The following DEPDC5 variants were observed in gnomAD, a reference collection of about 807,000 sequenced individuals.
DEPDC5 encodes GATOR1 complex protein DEPDC5.
A neutral mutation model predicts 217.3 loss-of-function variants in DEPDC5; 73 were observed. The observed-to-expected ratio is 0.34, with a 90% CI of 0.28 to 0.41. The LOEUF (loss-of-function observed/expected upper bound fraction) is 0.41. Among genes scored for constraint, DEPDC5 ranks in the 10% least tolerant of loss-of-function variants. The pLI is 1.00. For missense variants in DEPDC5, 1,675 were observed against 2,070.1 expected, an observed-to-expected ratio of 0.81 and a Z score of 3.70; for synonymous variants, 733 against 756.7, an observed-to-expected ratio of 0.97 and a Z score of 0.51.
chr22:31,795,220 C>T lies in DEPDC5; in HGVS notation c.768-2380C>T, dbSNP rs573800268. Reference sequence around the variant, plus strand: ...GAGTAGCTGGGATTGCAGGCATCTGCCATCACACCTGGCTAATTTTTTTAT... The same window carrying T: ...GAGTAGCTGGGATTGCAGGCATCTGTCATCACACCTGGCTAATTTTTTTAT... On this transcript the variant is annotated intron_variant, in intron 12 of 42. Coordinates refer to ENST00000651528, the MANE Select transcript of DEPDC5 (RefSeq NM_001242896.3). Among the ~76,000 whole-genome samples the T allele has an allele frequency of 3.9e-5, 6 of 152,020 alleles. 1 individual carries two copies. The South Asian group carries it at 1.2e-3, about 32-fold the overall frequency.
At chr22:31,863,025 A>AT (rs1028438475) in intron 33 of DEPDC5, among the ~76,000 whole-genome samples, 17 of 151,898 alleles carry the variant, frequency 1.1e-4, no homozygotes, top group African/African-American at 3.9e-4. Context: ...CTAATTTTTT[A>AT]TTTTTTTAGA....
chr22:31,843,003 C>A, intron 27 of DEPDC5, 92 bp from the exon 28 acceptor site: 2 of 916,082 alleles, frequency 2.2e-6, no homozygotes, highest in East Asian at 5.3e-5. Flanking sequence ...GAAAGTGTTA[C>A]ATTGTTTTCT....
chr22:31,868,902 A>G (rs1364460985), intron 33 of DEPDC5, among the ~76,000 whole-genome samples: 1 of 152,122 alleles, frequency 6.6e-6, no homozygotes, highest in African/African-American at 2.4e-5. Flanking sequence ...ATAATCTTTG[A>G]TGCATGCTGC....
intron 10 of DEPDC5, among the ~76,000 whole-genome samples, chr22:31,787,814 T>C (rs1387918757): frequency 7.8e-6 from 1 of 127,418 alleles, no homozygotes; most frequent in Non-Finnish European, 1.7e-5. Flanking sequence ...CCTGTCTCTT[T>C]AAAAAAAAAA....
chr22:31,777,554 C>G (rs752650604), intron 7 of DEPDC5, among the ~76,000 whole-genome samples: 3 of 151,986 alleles, frequency 2.0e-5, no homozygotes, highest in African/African-American at 4.8e-5. Context: ...GCCACCATGC[C>G]TGGCCAAGAA....
intron 3 of DEPDC5, among the ~76,000 whole-genome samples, chr22:31,758,936 T>C (rs7289535): frequency 0.096 from 14,558 of 151,128 alleles, 762 homozygotes; most frequent in Admixed American, 0.13. Context: ...GGAGTCTAGC[T>C]CTGTCACCCA....
At chr22:31,877,330 G>A (rs966581168) in intron 37 of DEPDC5, among the ~76,000 whole-genome samples, 11 of 150,454 alleles carry the variant, frequency 7.3e-5, no homozygotes, top group Admixed American at 2.0e-4. Flanking sequence ...CCAGCTACTC[G>A]GGAGGCTGAG....
chr22:31,761,967 C>CA (rs776677814), intron 4 of DEPDC5, among the ~76,000 whole-genome samples: 844 of 61,046 alleles, frequency 0.014, 4 homozygotes, highest in East Asian at 0.021. Context: ...GACTCCGGCT[C>CA]AAAAAAAAAA....
chr22:31,778,650 A>G (rs2084123909), intron 8 of DEPDC5, among the ~76,000 whole-genome samples: 3 of 152,168 alleles, frequency 2.0e-5, no homozygotes, highest in Admixed American at 6.6e-5. Context: ...GTTTAATGTC[A>G]AACAGAGAGC....
intron 33 of DEPDC5, among the ~76,000 whole-genome samples, chr22:31,863,999 T>G (rs1180274804): frequency 6.6e-6 from 1 of 152,096 alleles, no homozygotes; most frequent in African/African-American, 2.4e-5. Flanking sequence ...GTACCTTATG[T>G]TTATTTATTA....
At chr22:31,900,477 G>A (rs576262277) in intron 40 of DEPDC5, among the ~76,000 whole-genome samples, 3 of 152,112 alleles carry the variant, frequency 2.0e-5, no homozygotes, top group Admixed American at 6.5e-5. Flanking sequence ...AGTGCCTCAC[G>A]CCTATAATCC....
At chr22:31,873,904 C>T (rs1050149257) in intron 35 of DEPDC5, 1 of 252,440 alleles carries the variant, frequency 4.0e-6, no homozygotes, top group Non-Finnish European at 7.7e-6. Flanking sequence ...GTGATTCTCC[C>T]ACCTCAGCTT....
chr22:31,816,618 T>A (rs1299918053), intron 21 of DEPDC5: 1 of 151,910 alleles, frequency 6.6e-6, no homozygotes, highest in Non-Finnish European at 1.5e-5. Context: ...TTAGTAGAGA[T>A]GGGGTTTTGC....
At chr22:31,891,045 T>C (rs2093428723) in intron 38 of DEPDC5, 1 of 228,960 alleles carries the variant, frequency 4.4e-6, no homozygotes, top group Non-Finnish European at 8.9e-6. Flanking sequence ...TTGGGAATGG[T>C]TTTCTAATTT....
At chr22:31,871,004 C>A (rs1465104176) in intron 34 of DEPDC5, among the ~76,000 whole-genome samples, 1 of 152,212 alleles carries the variant, frequency 6.6e-6, no homozygotes, top group Non-Finnish European at 1.5e-5. Flanking sequence ...TACAGGGCTT[C>A]CGGAAGGGGG....
intron 41 of DEPDC5, among the ~76,000 whole-genome samples, chr22:31,902,407 ATTAT>A (rs2093663446): frequency 1.4e-5 from 1 of 69,324 alleles, no homozygotes; most frequent in African/African-American, 9.5e-5. Context: ...TCATCTCCTT[ATTAT>A]ATATATATAT....
At chr22:31,886,069 C>G (rs896084628) in intron 38 of DEPDC5, among the ~76,000 whole-genome samples, 2 of 151,928 alleles carry the variant, frequency 1.3e-5, no homozygotes. Flanking sequence ...TACTCTGTTT[C>G]CCAGGCTCAC....
chr22:31,855,538 G>A (rs183724666), intron 31 of DEPDC5, among the ~76,000 whole-genome samples: 72 of 151,874 alleles, frequency 4.7e-4, no homozygotes, highest in African/African-American at 1.4e-3. Flanking sequence ...CACAACGCCC[G>A]GCTAATTTTT....
intron 24 of DEPDC5, among the ~76,000 whole-genome samples, chr22:31,828,135 G>C (rs1324674968): frequency 2.0e-5 from 3 of 152,056 alleles, no homozygotes; most frequent in Non-Finnish European, 4.4e-5. Context: ...TTTTGCTCAT[G>C]ACTGTATTCC....
Sources: allele counts gnomAD v4.1 joint callset (sites outside exome capture counted in the v4.1 genomes callset), GRCh38; gene constraint gnomAD v4.1.1; transcripts MANE v1.5; gene names NCBI Gene and HGNC (gene_info 2026-07-23, HGNC 2026-07-21).